LCORL: variants seen among roughly 807,000 people sequenced by gnomAD.
The protein encoded by LCORL is ligand-dependent nuclear receptor corepressor-like protein.
A neutral mutation model predicts 141.8 loss-of-function variants in LCORL; 41 were observed. That is an observed-to-expected ratio of 0.29 (90% CI 0.23 to 0.38). The LOEUF is 0.38. Among genes scored for constraint, LCORL ranks in the 10% least tolerant of loss-of-function variants. The pLI is 1.00. For missense variants in LCORL, 1,759 were observed against 2,035.0 expected (o/e 0.86, Z 2.61); for synonymous variants, 618 against 694.1 (o/e 0.89, Z 1.72).
At chr4:17,967,100 T>C (rs577197276) in intron 2 of LCORL, among the ~76,000 whole-genome samples, 62 of 152,174 alleles carry the variant, frequency 4.1e-4, no homozygotes, top group African/African-American at 1.3e-3. Context: ...GAAACAGACA[T>C]GAAAAGTAAT....
intron 7 of LCORL, among the ~76,000 whole-genome samples, chr4:17,870,090 C>A (rs1436786263): frequency 6.6e-6 from 1 of 152,116 alleles, no homozygotes; most frequent in Non-Finnish European, 1.5e-5. Context: ...CCCTCCTGAT[C>A]CATGATTCCT....
intron 4 of LCORL, among the ~76,000 whole-genome samples, chr4:17,926,066 A>G (rs1421956687): frequency 1.3e-5 from 2 of 152,106 alleles, no homozygotes; most frequent in Non-Finnish European, 2.9e-5. Flanking sequence ...CACTGTATGA[A>G]GGATAGCTGT....
intron 1 of LCORL, among the ~76,000 whole-genome samples, chr4:18,000,334 C>T (rs1032322362): frequency 1.3e-5 from 2 of 152,098 alleles, no homozygotes; most frequent in African/African-American, 4.8e-5. Context: ...ATAAAGGAAA[C>T]AGAGTGATTA....
At chr4:17,879,564 T>C (rs944723363) in intron 6 of LCORL, among the ~76,000 whole-genome samples, 4 of 151,136 alleles carry the variant, frequency 2.6e-5, no homozygotes, top group African/African-American at 9.7e-5. Flanking sequence ...AAAATAATTT[T>C]TTATAAACTT....
At chr4:17,971,093 C>T (rs1048882560) in intron 2 of LCORL, among the ~76,000 whole-genome samples, 8 of 151,912 alleles carry the variant, frequency 5.3e-5, no homozygotes, top group South Asian at 2.1e-4. Flanking sequence ...ACGAAGTGTG[C>T]TATTTAAAAG....
chr4:17,876,957 T>G, exon 7 of LCORL: 1 of 1,230,770 alleles, frequency 8.1e-7, no homozygotes, highest in Non-Finnish European at 1.0e-6. Context: ...TCTTTTAGAA[T>G]TTTGTAAAGA....
At chr4:17,939,940 T>A (rs2658751) in intron 4 of LCORL, among the ~76,000 whole-genome samples, 65,513 of 149,540 alleles carry the variant, frequency 0.44, 16,789 homozygotes, top group Non-Finnish European at 0.58. Flanking sequence ...ATATGTACTA[T>A]ATATTCATAT....
At chr4:18,015,932 G>A (rs141144327) in intron 1 of LCORL, among the ~76,000 whole-genome samples, 313 of 151,152 alleles carry the variant, frequency 2.1e-3, no homozygotes, top group African/African-American at 7.1e-3. Flanking sequence ...GATTCCTTTC[G>A]GTATCAAAGG....
intron 4 of LCORL, 147 bp downstream of exon 4, chr4:17,961,756 C>T: frequency 1.8e-6 from 1 of 555,824 alleles, no homozygotes; most frequent in South Asian, 2.7e-5. Flanking sequence ...CTCCTACTGT[C>T]CCTAAAAATA....
At chr4:17,994,759 G>C (rs1307527488) in intron 1 of LCORL, among the ~76,000 whole-genome samples, 1 of 150,496 alleles carries the variant, frequency 6.6e-6, no homozygotes, top group Non-Finnish European at 1.5e-5. Flanking sequence ...CTCAAACTGG[G>C]AGAAGGGGAG....
At chr4:17,964,795 T>C (rs1221491902) in intron 2 of LCORL, among the ~76,000 whole-genome samples, 2 of 151,832 alleles carry the variant, frequency 1.3e-5, no homozygotes, top group African/African-American at 2.4e-5. Context: ...GTTTTGGAAC[T>C]GTTGTGCCAA....
At chr4:17,904,857 T>C (rs1181993559) in intron 5 of LCORL, among the ~76,000 whole-genome samples, 1 of 152,138 alleles carries the variant, frequency 6.6e-6, no homozygotes. Context: ...CTTTAAGTCT[T>C]GCTTGCAAAT....
At chr4:17,853,181 A>G (rs1577246552) in intron 7 of LCORL, among the ~76,000 whole-genome samples, 1 of 151,720 alleles carries the variant, frequency 6.6e-6, no homozygotes, top group Non-Finnish European at 1.5e-5. Context: ...CCTATGATCT[A>G]TCACCTTGTA....
intron 1 of LCORL, among the ~76,000 whole-genome samples, chr4:17,991,589 T>A (rs771998589): frequency 6.6e-6 from 1 of 152,212 alleles, no homozygotes; most frequent in Non-Finnish European, 1.5e-5. Flanking sequence ...TCTAAACTTA[T>A]TCCATGATAG....
At chr4:17,978,015 C>T (rs1717297412) in intron 1 of LCORL, among the ~76,000 whole-genome samples, 3 of 152,074 alleles carry the variant, frequency 2.0e-5, no homozygotes, top group African/African-American at 7.2e-5. Context: ...CCTCCATTTC[C>T]CTCTTATGTT....
intron 4 of LCORL, among the ~76,000 whole-genome samples, chr4:17,939,095 C>A (rs73098845): frequency 0.24 from 36,129 of 152,102 alleles, 5,483 homozygotes; most frequent in African/African-American, 0.43. Context: ...AGAAAGCAAA[C>A]AACCCAATTA....
Position 17,897,213 on chromosome 4 carries a change from C to CCTTTTTTTTTT in LCORL, c.683-11053_683-11052insAAAAAAAAAAG, listed in dbSNP as rs1553863446. 8.2e-3 allele frequency among the ~76,000 whole-genome samples: 527 copies of CCTTTTTTTTTT among 63,986 alleles called. 249 individuals are homozygous for CCTTTTTTTTTT. The highest frequency in any genetic ancestry group is 0.011 in the Non-Finnish European group (366 of 34,542). 42.0% of individuals were successfully genotyped at this position (63,986 alleles called of 152,430 possible). A position where few individuals can be genotyped will look rare whatever the true frequency, so the allele number is the denominator to read the frequency against. On this transcript the variant is annotated intron_variant, in intron 5 of 7. Transcript: ENST00000635767. ...AGACTTCTCTTTGATATACTGATTT[C>CCTTTTTTTTTT]TTTTTTTTTTTTTTTTTTTTTTTTT...
rs184594681 is a variant in LCORL at position 17,890,072 on chromosome 4, C to T, written c.683-3911G>A. Among the ~76,000 whole-genome samples the T allele has an allele frequency of 7.2e-5, 11 of 152,056 alleles. No individual in the cohort carries two copies. The East Asian group carries it at 2.1e-3, about 29-fold the overall frequency. On this transcript the variant is annotated intron_variant, in intron 5 of 7. Transcript: ENST00000635767. The stretch of plus-strand genomic sequence containing the variant: ...TCTTATTACACTGTAATTTATTCCC[C>T]ATTTATTTACTGTTGGTATTCAGGT...
At chr4:17,922,798 G>T (rs1323336729) in intron 4 of LCORL, among the ~76,000 whole-genome samples, 1 of 152,162 alleles carries the variant, frequency 6.6e-6, no homozygotes, top group Non-Finnish European at 1.5e-5. Context: ...ATGAGGCTGG[G>T]AACACTGAGC....
Sources: allele counts gnomAD v4.1 joint callset (sites outside exome capture counted in the v4.1 genomes callset), GRCh38; gene constraint gnomAD v4.1.1; transcripts MANE v1.5; gene names NCBI Gene and HGNC (gene_info 2026-07-23, HGNC 2026-07-21).